Variants in CCNY observed in about 807,000 individuals in gnomAD.
CCNY encodes cyclin-Y.
CCNY carries 19 observed loss-of-function variants against 42.8 expected under a neutral mutation model. The ratio of observed to expected loss-of-function variants is 0.44; its 90% confidence interval spans 0.31 to 0.65. The LOEUF (loss-of-function observed/expected upper bound fraction) is 0.65. CCNY is among the 30% of genes least tolerant of loss of function. CCNY has a pLI of 0.07. For synonymous variants in CCNY, 165 were observed against 162.7 expected, an observed-to-expected ratio of 1.01 and a Z score of -0.11; for missense variants, 370 against 437.3, an observed-to-expected ratio of 0.85 and a Z score of 1.37.
rs143873973 is a variant in CCNY at position 35,532,216 on chromosome 10, ACT to A, written c.579+1976_579+1977del. On this transcript the variant is annotated intron_variant, in intron 7 of 9. Transcript: ENST00000374704. ...CACAGAGACGTGTGCCTTGAGCAAGACTCTTGTAGGATTGTTCTTCCCTCCTC... is the reference window on the plus strand; with the variant it reads ...CACAGAGACGTGTGCCTTGAGCAAGACTTGTAGGATTGTTCTTCCCTCCTC... Among the ~76,000 whole-genome samples the A allele has an allele frequency of 6.8e-3, 1,034 of 152,072 alleles. 11 individuals are homozygous for A. The highest frequency in any genetic ancestry group is 0.024 in the African/African-American group (988 of 41,480).
At chr10:35,413,815 G>A (rs1239027921) in intron 1 of CCNY, among the ~76,000 whole-genome samples, 1 of 152,150 alleles carries the variant, frequency 6.6e-6, no homozygotes, top group Non-Finnish European at 1.5e-5. Flanking sequence ...GCACTGAAGC[G>A]GGAAATGCGG....
chr10:35,407,664 T>C (rs1477317802), intron 1 of CCNY, among the ~76,000 whole-genome samples: 1 of 151,750 alleles, frequency 6.6e-6, no homozygotes, highest in East Asian at 1.9e-4. Context: ...TTAGGTCAGG[T>C]GAGAGTTGAA....
intron 1 of CCNY, among the ~76,000 whole-genome samples, chr10:35,397,937 T>A (rs533344445): frequency 6.6e-6 from 1 of 152,262 alleles, no homozygotes; most frequent in African/African-American, 2.4e-5. Context: ...TAGGCAGGAC[T>A]TCCCCCTCTG....
intron 3 of CCNY, among the ~76,000 whole-genome samples, chr10:35,504,175 T>C (rs1840169238): frequency 6.6e-6 from 1 of 152,232 alleles, no homozygotes; most frequent in Non-Finnish European, 1.5e-5. Flanking sequence ...GAGAAATGAA[T>C]ACAGTTGTGT....
At chr10:35,453,502 G>T (rs1838963534) in intron 1 of CCNY, among the ~76,000 whole-genome samples, 1 of 152,290 alleles carries the variant, frequency 6.6e-6, no homozygotes, top group East Asian at 1.9e-4. Context: ...CAGCAAGGTA[G>T]AATCCTAGCA....
At chr10:35,459,856 G>A (rs1021328923) in intron 1 of CCNY, among the ~76,000 whole-genome samples, 4 of 152,132 alleles carry the variant, frequency 2.6e-5, no homozygotes, top group African/African-American at 7.2e-5. Flanking sequence ...TACTTGGGGG[G>A]AATACATACT....
At chr10:35,540,449 G>A (rs1044918961) in intron 7 of CCNY, among the ~76,000 whole-genome samples, 5 of 152,098 alleles carry the variant, frequency 3.3e-5, no homozygotes, top group African/African-American at 1.2e-4. Context: ...CAGTTTGCTA[G>A]TCTTTTGTTG....
chr10:35,414,618 G>C (rs1564402186), intron 1 of CCNY, among the ~76,000 whole-genome samples: 1 of 152,168 alleles, frequency 6.6e-6, no homozygotes, highest in Non-Finnish European at 1.5e-5. Context: ...TCATTGGGTG[G>C]GTGAGAACCT....
chr10:35,468,526 C>T (rs1329085503), intron 1 of CCNY, among the ~76,000 whole-genome samples: 2 of 151,902 alleles, frequency 1.3e-5, no homozygotes, highest in African/African-American at 4.8e-5. Flanking sequence ...TGTTTTTCAC[C>T]ACTGTGCACA....
intron 4 of CCNY, 126 bp downstream of exon 4, chr10:35,516,749 C>G: frequency 1.7e-6 from 1 of 584,672 alleles, no homozygotes; most frequent in South Asian, 2.3e-5. Flanking sequence ...GTTGTGGGGT[C>G]TGGGAGTGAT....
At chr10:35,507,666 G>A (rs1408644427) in intron 3 of CCNY, among the ~76,000 whole-genome samples, 1 of 152,136 alleles carries the variant, frequency 6.6e-6, no homozygotes, top group Non-Finnish European at 1.5e-5. Context: ...CTGTGGTATG[G>A]GTTTCACTCC....
intron 3 of CCNY, chr10:35,327,625 A>G (rs1835895372): frequency 2.0e-5 from 3 of 152,192 alleles, no homozygotes; most frequent in African/African-American, 7.2e-5. Flanking sequence ...TACAATGTTC[A>G]CTTTTAGGGT....
At chr10:35,265,068 A>G (rs1267606009) in intron 3 of CCNY, among the ~76,000 whole-genome samples, 1 of 152,042 alleles carries the variant, frequency 6.6e-6, no homozygotes, top group East Asian at 1.9e-4. Flanking sequence ...TTATCTCTTC[A>G]CTCTGATGAT....
chr10:35,564,940 G>C (rs1210887943), intron 8 of CCNY, among the ~76,000 whole-genome samples: 1 of 152,186 alleles, frequency 6.6e-6, no homozygotes, highest in Non-Finnish European at 1.5e-5. Flanking sequence ...GCTGCATAGT[G>C]TGGGCAAGGA....
intron 3 of CCNY, 90 bp downstream of exon 3, chr10:35,501,625 T>C (rs1219239451): frequency 1.7e-6 from 2 of 1,151,530 alleles, no homozygotes; most frequent in Non-Finnish European, 2.6e-6. Flanking sequence ...AAATGGCTCA[T>C]GTGCTTTGTA....
At chr10:35,372,015 G>A (rs1236492378) in intron 1 of CCNY, among the ~76,000 whole-genome samples, 1 of 152,310 alleles carries the variant, frequency 6.6e-6, no homozygotes, top group East Asian at 1.9e-4. Context: ...AGCAACAAGG[G>A]CAGACCACTC....
At chr10:35,266,754 G>A (rs2095725965) in intron 3 of CCNY, among the ~76,000 whole-genome samples, 1 of 152,074 alleles carries the variant, frequency 6.6e-6, no homozygotes, top group African/African-American at 2.4e-5. Flanking sequence ...TGATTTGAAT[G>A]TAATTCATTC....
At chr10:35,448,509 A>G (rs1838841522) in intron 1 of CCNY, among the ~76,000 whole-genome samples, 1 of 152,182 alleles carries the variant, frequency 6.6e-6, no homozygotes, top group African/African-American at 2.4e-5. Flanking sequence ...AATTCTTAAA[A>G]TGGTGCCTGC....
At chr10:35,406,457 T>C (rs530471017) in intron 1 of CCNY, among the ~76,000 whole-genome samples, 353 of 152,026 alleles carry the variant, frequency 2.3e-3, no homozygotes, top group Non-Finnish European at 4.2e-3. Flanking sequence ...CCTTCAAGCG[T>C]CTGTTTAACA....
Sources: gnomAD v4.1 joint callset for allele counts (sites outside exome capture counted in the v4.1 genomes callset) on GRCh38, gnomAD v4.1.1 for gene constraint, MANE v1.5 for transcripts, NCBI Gene and HGNC (gene_info 2026-07-23, HGNC 2026-07-21) for gene names.